Variants in LMLN observed in about 807,000 individuals in gnomAD.
LMLN encodes the protein leishmanolysin-like peptidase.
A neutral mutation model predicts 92.3 loss-of-function variants in LMLN; 70 were observed. That is an observed-to-expected ratio of 0.76 (90% confidence interval 0.63 to 0.92). LMLN has a LOEUF of 0.92. Among genes scored for constraint, LMLN ranks in the 40% least tolerant of loss-of-function variants. LMLN has a pLI of 0.00. For synonymous variants in LMLN, 308 were observed against 296.2 expected, an observed-to-expected ratio of 1.04 and a Z score of -0.41; for missense variants, 691 against 814.6, an observed-to-expected ratio of 0.85 and a Z score of 1.85.
exon 6 of LMLN, chr3:197,980,455 A>G (rs766696259): frequency 1.9e-6 from 3 of 1,614,062 alleles, no homozygotes; most frequent in Admixed American, 1.7e-5. Flanking sequence ...CAGCCATGAA[A>G]ACATCATCTC....
intron 11 of LMLN, among the ~76,000 whole-genome samples, chr3:198,007,945 A>T (rs1560147980): frequency 6.6e-6 from 1 of 152,190 alleles, no homozygotes; most frequent in Non-Finnish European, 1.5e-5. Flanking sequence ...TCATGAATGG[A>T]TATTGCCTTC....
intron 6 of LMLN, 21 bp downstream of exon 6, chr3:197,980,525 TA>T (rs1246541989): frequency 6.2e-7 from 1 of 1,603,204 alleles, no homozygotes; most frequent in Non-Finnish European, 8.5e-7. Flanking sequence ...CTCCGGGACT[TA>T]GTTTCCAAGA....
chr3:198,020,768 A>ATTGTTTTTTT (rs1722756549), intron 12 of LMLN, among the ~76,000 whole-genome samples: 6 of 32,870 alleles, frequency 1.8e-4, no homozygotes, highest in African/African-American at 6.0e-4. Flanking sequence ...TAATTTTTGT[A>ATTGTTTTTTT]TTTTTTTTTT....
Position 198,031,834 on chromosome 3 carries a change from G to T in LMLN, c.1657-3999G>T, listed in dbSNP as rs573310172. The stretch of plus-strand genomic sequence containing the variant: ...GAAGTGACTGGAGCCTGGCACAGTG[G>T]CTCACACCTGTAATCACAGCACTTT... On this transcript the variant is annotated intron_variant, in intron 14 of 15. Transcript: ENST00000330198. The surrounding 1 kb of genome is among the most constrained non-coding windows in gnomAD (Gnocchi z 4.8). 6.6e-6 allele frequency among the ~76,000 whole-genome samples: 1 copy of T among 152,230 alleles called. No homozygotes were observed. The highest frequency in any genetic ancestry group is 1.5e-5 in the Non-Finnish European group (1 of 68,016).
At chr3:198,011,751 G>A (rs866077957) in intron 11 of LMLN, among the ~76,000 whole-genome samples, 1 of 151,944 alleles carries the variant, frequency 6.6e-6, no homozygotes, top group Non-Finnish European at 1.5e-5. Context: ...CAATGTAAAA[G>A]TGTTCCTATT....
exon 16 of LMLN, chr3:198,038,586 G>A (rs760980536): frequency 7.4e-6 from 12 of 1,613,606 alleles, no homozygotes; most frequent in Admixed American, 6.7e-5. Context: ...CCTGTTCCTC[G>A]AGCCTGGTGG....
intron 9 of LMLN, among the ~76,000 whole-genome samples, chr3:197,993,153 A>G (rs1175529026): frequency 6.6e-6 from 1 of 152,186 alleles, no homozygotes; most frequent in Non-Finnish European, 1.5e-5. Flanking sequence ...AAGGCCATAT[A>G]AGAGACACCC....
intron 11 of LMLN, among the ~76,000 whole-genome samples, chr3:198,007,191 C>T (rs957149777): frequency 2.6e-5 from 4 of 152,168 alleles, no homozygotes; most frequent in Non-Finnish European, 4.4e-5. Context: ...TTAGTTTTGA[C>T]GGAGTCCAGA....
intron 14 of LMLN, among the ~76,000 whole-genome samples, chr3:198,027,963 T>C (rs1486712875): frequency 2.6e-5 from 4 of 152,238 alleles, no homozygotes. Context: ...GGGTTTTTGG[T>C]GTTATTTTGA....
rs1344211193 is a variant in LMLN, at chr3:198,003,061, C to G, written c.1232+3719C>G. The G allele has an allele frequency of 1.9e-6, 3 of 1,551,234 alleles. No homozygotes were observed. The African/African-American group carries it at 4.1e-5, about 21-fold the overall frequency. On this transcript the variant is annotated intron_variant, in intron 11 of 15. Transcript: ENST00000330198. ...CATGGCTGAGAAGTTAGACTGGGGCCGAGGAATGGGCTGTGACTTTGTCAG... is the reference window on the plus strand; with the variant it reads ...CATGGCTGAGAAGTTAGACTGGGGCGGAGGAATGGGCTGTGACTTTGTCAG...
chr3:198,041,650 G>A (rs1409110651), exon 16 of LMLN: 2 of 152,286 alleles, frequency 1.3e-5, no homozygotes, highest in African/African-American at 4.8e-5. Context: ...TTCTGCCTAT[G>A]TTGTACATAC....
At chr3:197,983,095 A>C (rs1462732974) in intron 6 of LMLN, among the ~76,000 whole-genome samples, 1 of 152,254 alleles carries the variant, frequency 6.6e-6, no homozygotes, top group Admixed American at 6.5e-5. Flanking sequence ...AATTGTATTC[A>C]TACTTTTTCT....
intron 1 of LMLN, among the ~76,000 whole-genome samples, chr3:197,969,266 A>AATAT (rs35102956): frequency 6.8e-6 from 1 of 147,564 alleles, no homozygotes; most frequent in African/African-American, 2.5e-5. Flanking sequence ...CTTTGAGTTT[A>AATAT]ATATATATAT....
intron 1 of LMLN, among the ~76,000 whole-genome samples, chr3:197,971,751 T>C (rs1721230431): frequency 6.6e-6 from 1 of 151,656 alleles, no homozygotes; most frequent in Non-Finnish European, 1.5e-5. Context: ...CGCCCAGCCT[T>C]GTTTGTTTTT....
intron 5 of LMLN, among the ~76,000 whole-genome samples, chr3:197,977,410 G>A (rs1721416581): frequency 6.6e-6 from 1 of 151,616 alleles, no homozygotes; most frequent in African/African-American, 2.4e-5. Context: ...CAAACAATCT[G>A]GAAGTACACA....
In LMLN at chr3:197,982,970, G is replaced by A. The variant is rs576093567; in HGVS notation, c.729-973G>A. Reference sequence around the variant, plus strand: ...CTGTCGGAGGACAGGTGCTTTGACAGGCAGACAGGATTGTTTTCTTCCAAG... The same window carrying A: ...CTGTCGGAGGACAGGTGCTTTGACAAGCAGACAGGATTGTTTTCTTCCAAG... On this transcript the variant is annotated intron_variant, in intron 6 of 15. Coordinates refer to ENST00000330198, the Ensembl canonical transcript of LMLN. Among the ~76,000 whole-genome samples the A allele has an allele frequency of 2.0e-5, 3 of 152,304 alleles. No individual in the cohort carries two copies. In the East Asian group the frequency reaches 5.8e-4, roughly 29 times the overall value.
At chr3:197,979,546 A>G (rs1581139049) in intron 5 of LMLN, among the ~76,000 whole-genome samples, 1 of 152,124 alleles carries the variant, frequency 6.6e-6, no homozygotes, top group East Asian at 1.9e-4. Context: ...GGCTGGGTGC[A>G]GTGGCTCATG....
intron 9 of LMLN, among the ~76,000 whole-genome samples, chr3:197,995,058 C>T (rs774541348): frequency 6.6e-6 from 1 of 152,122 alleles, no homozygotes; most frequent in Non-Finnish European, 1.5e-5. Flanking sequence ...TGTGGACTTT[C>T]TGTCACCTCT....
Position 197,976,722 on chromosome 3 carries a change from C to T in LMLN, c.549+7C>T. 2 of 1,428,666 alleles carry T rather than the reference C, an allele frequency of 1.4e-6. No homozygotes were observed. Among genetic ancestry groups the T allele is most frequent in the Non-Finnish European group, 1.9e-6 (2 of 1,041,244 alleles). 88.5% of individuals were successfully genotyped at this position (1,428,666 alleles called of 1,614,324 possible). A position where few individuals can be genotyped will look rare whatever the true frequency, so the allele number is the denominator to read the frequency against. On this transcript the variant is annotated splice_region_variant and intron_variant, in intron 5 of 15. Transcript: ENST00000330198. ...TCCTGAGGAACATCTCCAGGTATTT[C>T]ACCCTGCTCTTGGCAGTGCTTTTAC...
Sources: gnomAD v4.1 joint callset for allele counts (sites outside exome capture counted in the v4.1 genomes callset) on GRCh38, gnomAD v4.1.1 for gene constraint, Gnocchi (gnomAD v3.1) non-coding constraint, MANE v1.5 for transcripts, NCBI Gene and HGNC (gene_info 2026-07-23, HGNC 2026-07-21) for gene names.